Variants in ALDH1A1 observed in about 807,000 individuals in gnomAD.
The protein encoded by ALDH1A1 is aldehyde dehydrogenase 1 family member A1, also known as aldehyde dehydrogenase 1A1.
Under a neutral mutation model 62.1 loss-of-function variants are expected in ALDH1A1, and 19 were observed. The ratio of observed to expected loss-of-function variants is 0.31; its 90% confidence interval spans 0.21 to 0.45. The LOEUF is 0.45. Among genes scored for constraint, ALDH1A1 ranks in the 20% least tolerant of loss-of-function variants. The probability of loss-of-function intolerance (pLI) is 1.00; values close to 1 mark genes in which losing one functional copy is unlikely to be tolerated. For synonymous variants in ALDH1A1, 231 were observed against 215.9 expected (o/e 1.07, Z -0.61); for missense variants, 521 against 607.1 (o/e 0.86, Z 1.49).
chr9:72,905,305 A>G (rs537464751), intron 12 of ALDH1A1, among the ~76,000 whole-genome samples: 26 of 152,240 alleles, frequency 1.7e-4, no homozygotes, highest in Middle Eastern at 3.4e-3. Flanking sequence ...GCATACTTAA[A>G]AAGTCTATAT....
chr9:72,923,771 C>T (rs1446185597), intron 7 of ALDH1A1: 4 of 273,374 alleles, frequency 1.5e-5, no homozygotes, highest in Non-Finnish European at 2.7e-5. Flanking sequence ...AGCCATATTT[C>T]TCGTCAGAGA....
intron 9 of ALDH1A1, among the ~76,000 whole-genome samples, chr9:72,915,082 A>G (rs1830044038): frequency 1.3e-5 from 2 of 152,128 alleles, no homozygotes; most frequent in Non-Finnish European, 2.9e-5. Flanking sequence ...CTACTGACTC[A>G]ATGGAACTTG....
At chr9:72,950,440 T>G (rs1830530942) in intron 1 of ALDH1A1, among the ~76,000 whole-genome samples, 1 of 151,908 alleles carries the variant, frequency 6.6e-6, no homozygotes, top group Admixed American at 6.6e-5. Flanking sequence ...GCGATGTTTT[T>G]GAGGTTTTAA....
intron 1 of ALDH1A1, among the ~76,000 whole-genome samples, chr9:72,943,379 A>G (rs1367254540): frequency 6.6e-6 from 1 of 152,158 alleles, no homozygotes; most frequent in East Asian, 1.9e-4. Context: ...AAGAATTATT[A>G]CAGTATGTAT....
chr9:72,918,400 T>C (rs1049347412), intron 8 of ALDH1A1, among the ~76,000 whole-genome samples: 6 of 152,176 alleles, frequency 3.9e-5, no homozygotes. Context: ...CTCAATGAAA[T>C]GCTAATAATC....
At chr9:72,908,434 C>CAAAAAAAAAAAAAAAA (rs386415096) in intron 11 of ALDH1A1, among the ~76,000 whole-genome samples, 1 of 2,484 alleles carries the variant, frequency 4.0e-4, no homozygotes, top group Non-Finnish European at 7.1e-4. Context: ...GACTCCAGCT[C>CAAAAAAAAAAAAAAAA]AAAAAAAAAA....
chr9:72,904,700 A>T (rs1383902890), intron 12 of ALDH1A1, among the ~76,000 whole-genome samples: 1 of 152,094 alleles, frequency 6.6e-6, no homozygotes, highest in African/African-American at 2.4e-5. Context: ...TGACAGATGA[A>T]AATAGTGATG....
At chr9:72,908,548 G>GA (rs1238074833) in intron 11 of ALDH1A1, among the ~76,000 whole-genome samples, 11 of 29,722 alleles carry the variant, frequency 3.7e-4, no homozygotes, top group African/African-American at 1.3e-3. Flanking sequence ...AGAAAGAAAA[G>GA]AAAGAAGAAA....
At position 72,952,971 on chromosome 9, in the gene ALDH1A1, A is replaced by G. The variant is rs149765893; in HGVS notation, c.30T>C (p.Pro10=). 356 of 1,613,122 alleles carry G rather than the reference A, an allele frequency of 2.2e-4. No homozygotes were observed. The highest frequency in any genetic ancestry group is 2.9e-4 in the Non-Finnish European group (347 of 1,179,360). Residue 10 remains proline (P), a synonymous_variant, in exon 1 of 13, where the codon CCT becomes CCC. Transcript: ENST00000297785. ...GAATCTTCAAATCGGTGAGTAGGACAGGTAAGTCTGGCGTGCCTGAGGATG... is the reference window on the plus strand; with the variant it reads ...GAATCTTCAAATCGGTGAGTAGGACGGGTAAGTCTGGCGTGCCTGAGGATG... MSSSGTPDL[P]VLLTDLKIQY...
chr9:72,937,182 A>G (rs1830356293), intron 2 of ALDH1A1, among the ~76,000 whole-genome samples: 1 of 152,198 alleles, frequency 6.6e-6, no homozygotes, highest in Admixed American at 6.6e-5. Flanking sequence ...ATAGATTTAT[A>G]GAATATACTA....
In ALDH1A1 at chr9:72,912,055, A is replaced by C; in HGVS notation, c.1103T>G (p.Leu368Arg). ...CCCCCACGGGCCTCCTCCACATTCC[A>C]GTTTGGCCCCTTCTTTCTTCCCACT... ...IESGKKEGAK[L>R]ECGGGPWGNK... The change falls in exon 10 of 13, where the codon CTG (leucine) becomes CGG (arginine). Residue 368 changes from leucine (L) to arginine (R), a missense_variant. Coordinates refer to ENST00000297785, the MANE Select transcript of ALDH1A1 (RefSeq NM_000689.5). 3 of 1,613,838 alleles carry C rather than the reference A, an allele frequency of 1.9e-6. No homozygotes were observed. The highest frequency in any genetic ancestry group is 2.5e-6 in the Non-Finnish European group (3 of 1,179,830).
chr9:72,952,903 G>A (rs1044532199), intron 1 of ALDH1A1, 32 bp downstream of exon 1: 1 of 1,607,634 alleles, frequency 6.2e-7, no homozygotes, highest in Non-Finnish European at 8.5e-7. Context: ...TTGCAAACCC[G>A]AGTCAAAGCA....
intron 1 of ALDH1A1, among the ~76,000 whole-genome samples, chr9:72,949,715 AG>A (rs1383780839): frequency 2.6e-5 from 4 of 151,284 alleles, no homozygotes; most frequent in African/African-American, 9.7e-5. Context: ...TAGCTGATGA[AG>A]GTCTTTTGTA....
intron 2 of ALDH1A1, 109 bp from the exon 3 acceptor site, chr9:72,931,128 G>T: frequency 1.6e-6 from 2 of 1,221,628 alleles, no homozygotes; most frequent in Non-Finnish European, 2.3e-6. Flanking sequence ...CAGGCACTGT[G>T]TCTCCATTAT....
chr9:72,933,111 C>T (rs1315232947), intron 2 of ALDH1A1, among the ~76,000 whole-genome samples: 1 of 152,162 alleles, frequency 6.6e-6, no homozygotes, highest in African/African-American at 2.4e-5. Context: ...TGCAGAAATA[C>T]AGTAATGTTA....
At position 72,901,263 on chromosome 9, in the gene ALDH1A1, T is replaced by C. The variant is rs2118466075; in HGVS notation, c.1451A>G (p.His484Arg). Residue 484 changes from histidine (H) to arginine (R), a missense_variant, in exon 13 of 13, where the codon CAT (histidine) becomes CGT (arginine). Transcript: ENST00000297785. ...NGRELGEYGFHEYTEVKTVTV... is the reference protein window; with the variant it reads ...NGRELGEYGFREYTEVKTVTV... ...GACTGTTTTGACCTCTGTATATTCA[T>C]GGAAACCGTACTCTCCCCTAGAGAG... The C allele has an allele frequency of 1.9e-6, 3 of 1,609,446 alleles. No homozygotes were observed. The highest frequency in any genetic ancestry group is 2.5e-6 in the Non-Finnish European group (3 of 1,177,728).
At chr9:72,952,748 A>G (rs1391546968) in intron 1 of ALDH1A1, among the ~76,000 whole-genome samples, 187 bp downstream of exon 1, 1 of 152,030 alleles carries the variant, frequency 6.6e-6, no homozygotes, top group Non-Finnish European at 1.5e-5. Flanking sequence ...TTTATGAAAG[A>G]TTGTCTGATA....
At chr9:72,928,403 G>C (rs147908853) in intron 4 of ALDH1A1, among the ~76,000 whole-genome samples, 3 of 152,156 alleles carry the variant, frequency 2.0e-5, no homozygotes, top group Non-Finnish European at 1.5e-5. Flanking sequence ...AAACGAGTCC[G>C]TGTGAACTGG....
At chr9:72,916,444 A>C (rs2118506945) in intron 9 of ALDH1A1, among the ~76,000 whole-genome samples, 1 of 152,330 alleles carries the variant, frequency 6.6e-6, no homozygotes, top group African/African-American at 2.4e-5. Flanking sequence ...AAGGAAACTC[A>C]GGACATTTTA....
Sources: allele counts gnomAD v4.1 joint callset (sites outside exome capture counted in the v4.1 genomes callset), GRCh38; gene constraint gnomAD v4.1.1; transcripts MANE v1.5; gene names NCBI Gene and HGNC (gene_info 2026-07-23, HGNC 2026-07-21).